TRPM3: variants seen among roughly 807,000 people sequenced by gnomAD.
The protein encoded by TRPM3 is long transient receptor potential channel 3.
A neutral mutation model predicts 181.2 loss-of-function variants in TRPM3; 77 were observed. The observed-to-expected ratio is 0.42, with a 90% CI of 0.35 to 0.51. The LOEUF (loss-of-function observed/expected upper bound fraction) is 0.51, where lower values mean the gene tolerates loss of function less well. Among genes scored for constraint, TRPM3 ranks in the 20% least tolerant of loss-of-function variants. The pLI, the probability that TRPM3 is intolerant of heterozygous loss-of-function variation, is 0.01. For missense variants in TRPM3, 1,759 were observed against 2,196.7 expected, an observed-to-expected ratio of 0.80 and a Z score of 3.98; for synonymous variants, 745 against 796.4, an observed-to-expected ratio of 0.94 and a Z score of 1.09.
rs976775271 is a variant in TRPM3, at chr9:70,596,424, C to A, written c.3048+1995G>T. 7.2e-5 allele frequency among the ~76,000 whole-genome samples: 11 copies of A among 152,074 alleles called. 1 individual carries two copies. The highest frequency in any genetic ancestry group is 7.2e-4 in the Admixed American group (11 of 15,266). ...GTTAGCAATGATACATATAGTAAATCTCAAGTAATAATAATAAAGAACATC... is the reference window on the plus strand; with the variant it reads ...GTTAGCAATGATACATATAGTAAATATCAAGTAATAATAATAAAGAACATC... On this transcript the variant is annotated intron_variant, in intron 21 of 25. Transcript: ENST00000677713.
chr9:71,124,962 T>C (rs570243912), upstream of TRPM3, among the ~76,000 whole-genome samples: 1 of 152,218 alleles, frequency 6.6e-6, no homozygotes, highest in South Asian at 2.1e-4. Context: ...TTAAAATTCA[T>C]AGGTATCTGG....
chr9:70,751,549 G>A (rs1288814585), intron 8 of TRPM3, among the ~76,000 whole-genome samples: 1 of 152,030 alleles, frequency 6.6e-6, no homozygotes, highest in Non-Finnish European at 1.5e-5. Context: ...GAAGTTTCAG[G>A]TAATGTCCAC....
chr9:70,677,656 A>G (rs541735145), intron 9 of TRPM3, among the ~76,000 whole-genome samples: 1 of 152,194 alleles, frequency 6.6e-6, no homozygotes, highest in African/African-American at 2.4e-5. Flanking sequence ...TTCATACTTC[A>G]CTGAGCCTAA....
chr9:70,562,539 A>C (rs2049375093), intron 22 of TRPM3, among the ~76,000 whole-genome samples: 1 of 150,888 alleles, frequency 6.6e-6, no homozygotes, highest in African/African-American at 2.4e-5. Flanking sequence ...AGAACCCACT[A>C]TTAAGCTCAA....
intron 1 of TRPM3, among the ~76,000 whole-genome samples, chr9:71,116,627 T>C (rs1271098268): frequency 7.2e-5 from 11 of 152,168 alleles, no homozygotes; most frequent in Non-Finnish European, 1.0e-4. Flanking sequence ...TAACCCAACC[T>C]GATCATTGCT....
intron 1 of TRPM3, among the ~76,000 whole-genome samples, chr9:71,324,788 TAGA>T (rs773357688): frequency 1.3e-5 from 2 of 151,964 alleles, no homozygotes; most frequent in African/African-American, 2.4e-5. Flanking sequence ...GCTCGGCCAT[TAGA>T]AGAAGAAAAT....
intron 1 of TRPM3, among the ~76,000 whole-genome samples, chr9:71,070,203 G>C (rs1436159061): frequency 6.6e-6 from 1 of 152,176 alleles, no homozygotes; most frequent in East Asian, 1.9e-4. Flanking sequence ...AAATATCCTT[G>C]ATCAGCAGAA....
chr9:70,964,472 T>G (rs1223723907), intron 1 of TRPM3, among the ~76,000 whole-genome samples: 3 of 152,104 alleles, frequency 2.0e-5, no homozygotes. Context: ...TGGTTCCTCA[T>G]TCTGTTTCAT....
At position 70,969,779 on chromosome 9, in the gene TRPM3, T is replaced by TATAC. The variant is rs900528837; in HGVS notation, c.178-105269_178-105268insGTAT. ...TTTTATATATATATATATATATATA[T>TATAC]ACACACACACACTAAGAAATTATAT... On this transcript the variant is annotated intron_variant, in intron 1 of 25. Transcript: ENST00000677713. 3.3e-3 allele frequency among the ~76,000 whole-genome samples: 465 copies of TATAC among 139,846 alleles called. 2 individuals carry two copies. The highest frequency in any genetic ancestry group is 0.015 in the Middle Eastern group (4 of 264). 91.7% of individuals were successfully genotyped at this position (139,846 alleles called of 152,430 possible). A position where few individuals can be genotyped will look rare whatever the true frequency, so the allele number is the denominator to read the frequency against.
intron 1 of TRPM3, among the ~76,000 whole-genome samples, chr9:71,420,717 GAGAA>G (rs2093723625): frequency 3.3e-5 from 4 of 122,274 alleles, no homozygotes; most frequent in Admixed American, 8.5e-5. Flanking sequence ...GAAAGAAAGA[GAGAA>G]AGAGAGAGAG....
At chr9:70,671,930 A>ATTT (rs10633740) in intron 9 of TRPM3, among the ~76,000 whole-genome samples, 23,296 of 141,398 alleles carry the variant, frequency 0.16, 2,122 homozygotes, top group African/African-American at 0.23. Context: ...TGTCCAGCTA[A>ATTT]TTTTTTTTTT....
chr9:71,418,543 C>T (rs954698856), intron 1 of TRPM3, among the ~76,000 whole-genome samples: 17 of 151,758 alleles, frequency 1.1e-4, no homozygotes, highest in African/African-American at 3.9e-4. Context: ...CATTGCAGTC[C>T]TAGCAGATCC....
At chr9:70,779,465 A>C (rs927504215) in intron 7 of TRPM3, among the ~76,000 whole-genome samples, 1 of 152,176 alleles carries the variant, frequency 6.6e-6, no homozygotes, top group African/African-American at 2.4e-5. Flanking sequence ...TGCCTTTTTC[A>C]CACTGACTTT....
In TRPM3 at chr9:70,863,119, C is replaced by T. The variant is rs1367867860; in HGVS notation, c.258-7G>A. On this transcript the variant is annotated splice_region_variant and splice_polypyrimidine_tract_variant and intron_variant, in intron 2 of 25. Transcript: ENST00000677713. ...CAGACGCCCACAGCAACACCTATAA[C>T]AGAAGAGGTTAAAGTGAACCCCTGG... is the stretch of plus-strand genomic sequence containing the variant. The T allele has an allele frequency of 1.9e-6, 3 of 1,611,628 alleles. No homozygotes were observed. Among genetic ancestry groups the T allele is most frequent in the Admixed American group, 1.7e-5 (1 of 59,872 alleles).
intron 8 of TRPM3, among the ~76,000 whole-genome samples, chr9:70,681,981 C>A (rs149537187): frequency 0.01 from 1,529 of 152,236 alleles, 22 homozygotes; most frequent in African/African-American, 0.035. Flanking sequence ...TCCCTTCCAC[C>A]TCCCACCACG....
intron 1 of TRPM3, among the ~76,000 whole-genome samples, chr9:71,277,890 GTA>G (rs141470337): frequency 0.13 from 20,410 of 152,114 alleles, 1,739 homozygotes; most frequent in Non-Finnish European, 0.19. Flanking sequence ...AAGTCAGAGA[GTA>G]GAACTGTAAA....
In TRPM3 at chr9:70,535,649, A is replaced by T; in HGVS notation, c.*304T>A. 1 of 1,444,892 alleles carries T rather than the reference A, an allele frequency of 6.9e-7. No individual in the cohort carries two copies. Among genetic ancestry groups the T allele is most frequent in the Non-Finnish European group, 9.0e-7 (1 of 1,107,142 alleles). The allele number at this position is 1,444,892 out of a possible 1,614,324, so 89.5% of individuals were successfully genotyped here. On this transcript the variant is annotated 3_prime_UTR_variant, in exon 26 of 26. Coordinates refer to ENST00000677713, the MANE Select transcript of TRPM3 (RefSeq NM_001366145.2). ...GAAGCCCCTTGTTTCCCCTGCTCTCATGGCTTTCTGCTGTGACTGCGGATA... is the reference window on the plus strand; with the variant it reads ...GAAGCCCCTTGTTTCCCCTGCTCTCTTGGCTTTCTGCTGTGACTGCGGATA...
chr9:70,567,773 A>G (rs772654497), intron 22 of TRPM3, among the ~76,000 whole-genome samples: 4 of 152,218 alleles, frequency 2.6e-5, no homozygotes, highest in Non-Finnish European at 5.9e-5. Flanking sequence ...CTGGGCTCTG[A>G]TAGGCCAGTA....
chr9:70,780,398 T>C (rs986999397), intron 7 of TRPM3, among the ~76,000 whole-genome samples: 4 of 152,178 alleles, frequency 2.6e-5, no homozygotes, highest in Non-Finnish European at 5.9e-5. Context: ...ATGGTGCACA[T>C]TTATATAGAT....
Sources: gnomAD v4.1 joint callset for allele counts (sites outside exome capture counted in the v4.1 genomes callset) on GRCh38, gnomAD v4.1.1 for gene constraint, MANE v1.5 for transcripts, NCBI Gene and HGNC (gene_info 2026-07-23, HGNC 2026-07-21) for gene names.